The following WIPF3 variants were observed in gnomAD, a reference collection of about 807,000 sequenced individuals.
WIPF3 encodes WAS/WASL-interacting protein family member 3.
A neutral mutation model predicts 38.9 loss-of-function variants in WIPF3; 33 were observed. The observed-to-expected ratio is 0.85, with a 90% CI of 0.64 to 1.14. The LOEUF (loss-of-function observed/expected upper bound fraction) is 1.14, where lower values mean the gene tolerates loss of function less well. WIPF3 is among the 50% of genes most tolerant of loss of function. WIPF3 has a pLI of 0.00. For missense variants in WIPF3, 711 were observed against 652.5 expected, an observed-to-expected ratio of 1.09 and a Z score of -0.98; for synonymous variants, 324 against 269.3, an observed-to-expected ratio of 1.20 and a Z score of -1.99.
chr7:29,809,994 G>A (rs931611258), intron 1 of WIPF3, among the ~76,000 whole-genome samples: 4 of 152,158 alleles, frequency 2.6e-5, no homozygotes, highest in African/African-American at 9.7e-5. Flanking sequence ...GCTAGGAGGA[G>A]GCAGTAGCCA....
intron 2 of WIPF3, among the ~76,000 whole-genome samples, chr7:29,862,473 T>C (rs1180868798): frequency 6.6e-6 from 1 of 152,196 alleles, no homozygotes; most frequent in Non-Finnish European, 1.5e-5. Flanking sequence ...TGGGGATATA[T>C]TATCATCTCT....
chr7:29,859,107 A>G (rs1785234372), intron 2 of WIPF3, among the ~76,000 whole-genome samples: 1 of 152,160 alleles, frequency 6.6e-6, no homozygotes, highest in South Asian at 2.1e-4. Context: ...TTTTGGGGAA[A>G]TATCTTCATG....
chr7:29,851,377 C>T (rs1785093073), intron 2 of WIPF3, among the ~76,000 whole-genome samples: 1 of 152,110 alleles, frequency 6.6e-6, no homozygotes, highest in South Asian at 2.1e-4. Context: ...ACTTTTTAGC[C>T]CACCTCCTCT....
At chr7:29,825,577 C>T (rs1298920497) in intron 1 of WIPF3, among the ~76,000 whole-genome samples, 2 of 152,182 alleles carry the variant, frequency 1.3e-5, no homozygotes, top group Non-Finnish European at 2.9e-5. Context: ...TTGGGAACCA[C>T]ACATATAACA....
chr7:29,878,879 C>T lies in WIPF3; in HGVS notation c.224-130C>T, dbSNP rs555793868. 118 of 1,067,782 alleles carry T rather than the reference C, an allele frequency of 1.1e-4. No individual in the cohort carries two copies. Among genetic ancestry groups the T allele is most frequent in the Middle Eastern group, 5.9e-4 (2 of 3,372 alleles). 66.1% of individuals were successfully genotyped at this position (1,067,782 alleles called of 1,614,324 possible). ...GGGAGGATGCTGAGTGAAAGGATGACATTGGAGGTGGGAGAATGGGAAGGC... is the reference window on the plus strand; with the variant it reads ...GGGAGGATGCTGAGTGAAAGGATGATATTGGAGGTGGGAGAATGGGAAGGC... On this transcript the variant is annotated intron_variant, in intron 3 of 8. Transcript: ENST00000242140. This position sits in a 1 kb window ranked among gnomAD's most constrained non-coding sequence, Gnocchi z 4.0.
chr7:29,858,435 C>A (rs369822710), intron 2 of WIPF3, among the ~76,000 whole-genome samples: 2 of 152,182 alleles, frequency 1.3e-5, no homozygotes, highest in Admixed American at 1.3e-4. Context: ...TCAGCCCACA[C>A]CACTCTCATT....
intron 1 of WIPF3, among the ~76,000 whole-genome samples, chr7:29,819,648 C>G (rs1239327937): frequency 6.6e-6 from 1 of 151,982 alleles, no homozygotes; most frequent in Non-Finnish European, 1.5e-5. Context: ...TGTTTACTTA[C>G]AGCTATGATT....
chr7:29,843,829 G>A (rs1260390198), intron 2 of WIPF3, among the ~76,000 whole-genome samples: 2 of 152,044 alleles, frequency 1.3e-5, no homozygotes, highest in Non-Finnish European at 2.9e-5. Flanking sequence ...CCCACGTCAG[G>A]TTGTTGCTGG....
At chr7:29,890,731 C>T (rs1312913778) in intron 7 of WIPF3, among the ~76,000 whole-genome samples, 1 of 145,278 alleles carries the variant, frequency 6.9e-6, no homozygotes, top group Non-Finnish European at 1.5e-5. Context: ...GGAGGGAACC[C>T]AGGGCCCTGT....
intron 7 of WIPF3, among the ~76,000 whole-genome samples, chr7:29,890,262 G>A (rs565061404): frequency 6.6e-6 from 1 of 151,992 alleles, no homozygotes; most frequent in East Asian, 1.9e-4. Flanking sequence ...TGAGGTGGGA[G>A]GATTGCTTGA....
intron 8 of WIPF3, among the ~76,000 whole-genome samples, chr7:29,911,792 C>T (rs775488285): frequency 6.6e-5 from 10 of 152,026 alleles, no homozygotes; most frequent in South Asian, 2.1e-4. Flanking sequence ...CAAAATGAAT[C>T]GAAGACCTAA....
chr7:29,831,274 G>A (rs992075370), intron 1 of WIPF3, among the ~76,000 whole-genome samples: 1 of 152,228 alleles, frequency 6.6e-6, no homozygotes, highest in Admixed American at 6.5e-5. Flanking sequence ...GATTTGTTCA[G>A]ACATGACTCC....
chr7:29,859,298 A>G (rs2038648953), intron 2 of WIPF3, among the ~76,000 whole-genome samples: 1 of 152,180 alleles, frequency 6.6e-6, no homozygotes, highest in Non-Finnish European at 1.5e-5. Flanking sequence ...GAGGTTTGGG[A>G]CAAAAGGAGC....
intron 5 of WIPF3, 112 bp downstream of exon 5, chr7:29,884,705 G>A: frequency 7.1e-7 from 1 of 1,413,246 alleles, no homozygotes; most frequent in Non-Finnish European, 9.3e-7. Context: ...CCAGGGGTGA[G>A]GGAGGCAGAG....
intron 2 of WIPF3, among the ~76,000 whole-genome samples, chr7:29,836,269 C>G (rs947947413): frequency 6.6e-6 from 1 of 152,200 alleles, no homozygotes; most frequent in African/African-American, 2.4e-5. Context: ...CTTGCAAGCA[C>G]TGAAGAAGTA....
chr7:29,864,080 T>G (rs1204897934), intron 2 of WIPF3, among the ~76,000 whole-genome samples: 1 of 152,170 alleles, frequency 6.6e-6, no homozygotes, highest in Non-Finnish European at 1.5e-5. Context: ...TCAGTGAGAG[T>G]GGTGAGAGTG....
At position 29,915,811 on chromosome 7, in the gene WIPF3, C is replaced by G. The variant is rs1786603937; in HGVS notation, c.*1295C>G. On this transcript the variant is annotated 3_prime_UTR_variant, in exon 9 of 9. Coordinates refer to ENST00000242140, the MANE Select transcript of WIPF3 (RefSeq NM_001080529.3). ...AGGAAGGAGAAAAAATAGAAGGAAA[C>G]AGACTGATCCCTGGGCTGTGCTCAA... 6.6e-6 allele frequency: 1 copy of G among 152,238 alleles called. No homozygotes were observed. The highest frequency in any genetic ancestry group is 2.1e-4 in the South Asian group (1 of 4,836). The allele number at this position is 152,238 out of a possible 1,614,324, so 9.4% of individuals were successfully genotyped here.
chr7:29,894,919 GT>G (rs60160111), intron 7 of WIPF3, among the ~76,000 whole-genome samples: 10 of 146,578 alleles, frequency 6.8e-5, no homozygotes, highest in African/African-American at 2.0e-4. Flanking sequence ...GTGTGTTGTT[GT>G]TTTTTTTTGT....
chr7:29,840,191 G>A (rs1435512600), intron 2 of WIPF3, among the ~76,000 whole-genome samples: 2 of 152,140 alleles, frequency 1.3e-5, no homozygotes, highest in Admixed American at 6.5e-5. Context: ...CACATCCTCT[G>A]CTTCTCCTCT....
Sources: allele counts gnomAD v4.1 joint callset (sites outside exome capture counted in the v4.1 genomes callset), GRCh38; gene constraint gnomAD v4.1.1; non-coding constraint Gnocchi (gnomAD v3.1); transcripts MANE v1.5; gene names NCBI Gene and HGNC (gene_info 2026-07-23, HGNC 2026-07-21).